RBSN: variants seen among roughly 807,000 people sequenced by gnomAD.
RBSN encodes the protein rabenosyn, RAB effector.
In RBSN, 34 loss-of-function variants were observed where a neutral mutation model predicts 60.5. That is an observed-to-expected ratio of 0.56 (90% CI 0.43 to 0.75). The LOEUF (loss-of-function observed/expected upper bound fraction) is 0.75, where lower values mean the gene tolerates loss of function less well. RBSN is among the 30% of genes least tolerant of loss of function. The pLI, the probability that RBSN is intolerant of heterozygous loss-of-function variation, is 0.00. For synonymous variants in RBSN, 322 were observed against 366.9 expected (o/e 0.88, Z 1.40); for missense variants, 845 against 986.8 (o/e 0.86, Z 1.92).
At position 15,078,155 on chromosome 3, in the gene RBSN, C is replaced by T. The variant is rs2043100700; in HGVS notation, c.918G>A (p.Gly306=). ...CATGTTCCAGACTGTAGGTTGTCTC[C>T]CCAGCACTAAGGAGAAACCAGAGAC... ...YIRMAASLNA[G]ETTYSLEHAS... Residue 306 remains glycine (G), a synonymous_variant, in exon 11 of 14, where the codon GGG becomes GGA. Transcript: ENST00000253699. The T allele has an allele frequency of 6.2e-7, 1 of 1,614,106 alleles. No individual in the cohort carries two copies.
rs774755230 is a variant in RBSN, at chr3:15,082,555, G to C, written c.652C>G (p.Gln218Glu). 6.2e-7 allele frequency: 1 copy of C among 1,614,160 alleles called. No homozygotes were observed. Among genetic ancestry groups the C allele is most frequent in the South Asian group, 1.1e-5 (1 of 91,076 alleles). ...GAGCCATGGACACTGTTGGGTGACT[G>C]GCTGGGGCTGGTGTGGGTGCTCAGG... is the stretch of plus-strand genomic sequence containing the variant. Reference protein sequence around the residue: ...ESLSTHTSPSQSPNSVHGSRR... With the variant: ...ESLSTHTSPSESPNSVHGSRR... Residue 218 changes from glutamine (Q) to glutamate (E), a missense_variant, in exon 9 of 14, where the codon CAG becomes GAG. Gln to Glu is a conservative substitution (Grantham distance 29). Transcript: ENST00000253699. The surrounding 1 kb of genome is among the most constrained non-coding windows in gnomAD (Gnocchi z 4.2).
intron 10 of RBSN, among the ~76,000 whole-genome samples, chr3:15,079,224 T>C (rs371655739): frequency 2.0e-5 from 3 of 152,194 alleles, no homozygotes; most frequent in African/African-American, 7.2e-5. Context: ...TAATCAAACA[T>C]GGGCATGGCT....
At position 15,077,939 on chromosome 3, in the gene RBSN, C is replaced by G; in HGVS notation, c.998+136G>C. ...AGATGCATTAAGTGCCAGAGCTGGCCCCTTCCTTGCCCTCCTCCTCACCCA... is the reference window on the plus strand; with the variant it reads ...AGATGCATTAAGTGCCAGAGCTGGCGCCTTCCTTGCCCTCCTCCTCACCCA... On this transcript the variant is annotated intron_variant, in intron 11 of 13. Transcript: ENST00000253699. The surrounding 1 kb of genome is among the most constrained non-coding windows in gnomAD (Gnocchi z 4.4). 1 of 706,030 alleles carries G rather than the reference C, an allele frequency of 1.4e-6. No individual in the cohort carries two copies. Among genetic ancestry groups the G allele is most frequent in the South Asian group, 1.7e-5 (1 of 57,566 alleles). 43.7% of individuals were successfully genotyped at this position (706,030 alleles called of 1,614,324 possible). A position where few individuals can be genotyped will look rare whatever the true frequency, so the allele number is the denominator to read the frequency against.
chr3:15,078,067 G>A lies in RBSN; in HGVS notation c.998+8C>T. ...CCAGCGGGCAGGATACCACTTAATG[G>A]ACCTTACCTTAAAGCGTCTATCAGC... On this transcript the variant is annotated splice_region_variant and intron_variant, in intron 11 of 13. Transcript: ENST00000253699. 6.2e-7 allele frequency: 1 copy of A among 1,613,238 alleles called. No individual in the cohort carries two copies. The highest frequency in any genetic ancestry group is 2.2e-5 in the East Asian group (1 of 44,864).
intron 10 of RBSN, among the ~76,000 whole-genome samples, chr3:15,078,895 C>T (rs2043135552): frequency 1.4e-5 from 2 of 142,442 alleles, no homozygotes; most frequent in Non-Finnish European, 3.0e-5. Flanking sequence ...CTACTACATG[C>T]ATCGCTTTAA....
In RBSN at chr3:15,093,879, T is replaced by A. The variant is rs7634414; in HGVS notation, c.148+2094A>T. Among the ~76,000 whole-genome samples, 394 of 151,452 alleles carry A rather than the reference T, an allele frequency of 2.6e-3. 1 individual carries two copies. The highest frequency in any genetic ancestry group is 3.7e-3 in the Non-Finnish European group (253 of 67,866). On this transcript the variant is annotated intron_variant, in intron 4 of 13. Transcript: ENST00000253699. ...ATCATGCCCAGCTAATTAAAAAAAA[T>A]TTTTTTTTATTTTTGGACAGGATCT...
chr3:15,088,008 G>T (rs2043393959), intron 5 of RBSN, among the ~76,000 whole-genome samples: 1 of 152,082 alleles, frequency 6.6e-6, no homozygotes, highest in Non-Finnish European at 1.5e-5. Flanking sequence ...AATTCTTAGG[G>T]GTGACCATAA....
chr3:15,074,840 C>T lies in RBSN; in HGVS notation c.1297G>A (p.Gly433Ser). 1.2e-6 allele frequency: 2 copies of T among 1,614,168 alleles called. No individual in the cohort carries two copies. Among genetic ancestry groups the T allele is most frequent in the Non-Finnish European group, 1.7e-6 (2 of 1,180,048 alleles). The change falls in exon 14 of 14, where the codon GGC (glycine) becomes AGC (serine). Residue 433 changes from glycine (G) to serine (S), a missense_variant. Gly to Ser is a moderately conservative substitution (Grantham distance 56, BLOSUM62 0). Coordinates refer to ENST00000253699, the MANE Select transcript of RBSN (RefSeq NM_022340.4). The surrounding 1 kb of genome is among the most constrained non-coding windows in gnomAD (Gnocchi z 6.4). Reference sequence around the variant, plus strand: ...TCAGCCTTTCTCAAGGGGGCAGGGCCCCTGCGGAGAGATGCCACCTCCCCG... The same window carrying T: ...TCAGCCTTTCTCAAGGGGGCAGGGCTCCTGCGGAGAGATGCCACCTCCCCG... ...ANGEVASLRR[G>S]PAPLRKAEGW...
At chr3:15,075,813 C>A in intron 12 of RBSN, 103 bp from the exon 13 acceptor site, 1 of 867,920 alleles carries the variant, frequency 1.2e-6, no homozygotes. Context: ...ACTCTGTTCT[C>A]AGAGAGTGAC....
chr3:15,075,068 T>G, intron 13 of RBSN, 138 bp from the exon 14 acceptor site: 2 of 1,051,342 alleles, frequency 1.9e-6, no homozygotes, highest in South Asian at 3.4e-5. Flanking sequence ...GATATCCAAC[T>G]GCTAAAATCA....
intron 9 of RBSN, 113 bp from the exon 10 acceptor site, chr3:15,080,915 T>G (rs1426495627): frequency 2.4e-6 from 2 of 831,618 alleles, no homozygotes; most frequent in Non-Finnish European, 3.8e-6. Flanking sequence ...TCTAACACAT[T>G]AATTGTTGTT....
chr3:15,083,787 T>C (rs2043267846), intron 8 of RBSN, among the ~76,000 whole-genome samples: 1 of 152,130 alleles, frequency 6.6e-6, no homozygotes, highest in Admixed American at 6.5e-5. Context: ...CTGTGACTTA[T>C]CCCACAGGAA....
At chr3:15,075,798 G>T in intron 12 of RBSN, 88 bp from the exon 13 acceptor site, 2 of 1,026,432 alleles carry the variant, frequency 1.9e-6, no homozygotes, top group South Asian at 1.3e-5. Flanking sequence ...TGCTTAAGCT[G>T]AGCCACTCTG....
rs1240108101 is a variant in RBSN, at chr3:15,071,154, T to C, written c.*2628A>G. 6.6e-6 allele frequency: 1 copy of C among 152,246 alleles called. No homozygotes were observed. The highest frequency in any genetic ancestry group is 2.4e-5 in the African/African-American group (1 of 41,458). The allele number at this position is 152,246 out of a possible 1,614,324, so 9.4% of individuals were successfully genotyped here. ...TTTAAAAATAGTTTTTAAAAATGTT[T>C]CTTGTGTGTTTTTCAATGCTTTTAG... On this transcript the variant is annotated 3_prime_UTR_variant, in exon 14 of 14. Transcript: ENST00000253699.
chr3:15,076,129 A>G (rs2043048253), intron 12 of RBSN, among the ~76,000 whole-genome samples: 1 of 152,038 alleles, frequency 6.6e-6, no homozygotes, highest in African/African-American at 2.4e-5. Flanking sequence ...GCTTAATGAG[A>G]ACAGGAACGT....
At chr3:15,095,539 G>A in intron 4 of RBSN, 1 of 239,264 alleles carries the variant, frequency 4.2e-6, no homozygotes, top group Non-Finnish European at 8.0e-6. Flanking sequence ...ATTGGGGAAG[G>A]AAGGATGGTG....
intron 1 of RBSN, 71 bp downstream of exon 1, chr3:15,098,964 G>A (rs1046828566): frequency 5.2e-5 from 8 of 152,710 alleles, no homozygotes; most frequent in Non-Finnish European, 1.2e-4. Context: ...AACCACACAC[G>A]GCCCGCCCGT....
At chr3:15,079,440 A>G (rs1336205217) in intron 10 of RBSN, among the ~76,000 whole-genome samples, 1 of 152,212 alleles carries the variant, frequency 6.6e-6, no homozygotes, top group Non-Finnish European at 1.5e-5. Flanking sequence ...CTAGGTACCT[A>G]CCCGAGAGAA....
At chr3:15,090,686 G>A in intron 4 of RBSN, 147 bp from the exon 5 acceptor site, 1 of 1,142,434 alleles carries the variant, frequency 8.8e-7, no homozygotes, top group Non-Finnish European at 1.2e-6. Flanking sequence ...GTAAAATGCA[G>A]GAGCAAGCAC....
Sources: gnomAD v4.1 joint callset for allele counts (sites outside exome capture counted in the v4.1 genomes callset) on GRCh38, gnomAD v4.1.1 for gene constraint, Gnocchi (gnomAD v3.1) non-coding constraint, MANE v1.5 for transcripts, NCBI Gene and HGNC (gene_info 2026-07-23, HGNC 2026-07-21) for gene names.